DHDDS: variants seen among roughly 807,000 people sequenced by gnomAD.
DHDDS encodes dehydrodolichyl diphosphate synthase complex subunit DHDDS.
DHDDS carries 16 observed loss-of-function variants against 46.2 expected under a neutral mutation model. The observed-to-expected ratio is 0.35, with a 90% CI of 0.23 to 0.53. The LOEUF is 0.53. DHDDS is among the 20% of genes least tolerant of loss of function. DHDDS has a pLI of 0.94. For missense variants in DHDDS, 340 were observed against 423.7 expected, an observed-to-expected ratio of 0.80 and a Z score of 1.73; for synonymous variants, 151 against 163.1, an observed-to-expected ratio of 0.93 and a Z score of 0.56.
chr1:26,468,896 A>T lies in DHDDS; in HGVS notation c.767A>T (p.Lys256Met). The stretch of plus-strand genomic sequence containing the variant: ...CCAATCCCCACTTTTCTCTAGCAGA[A>T]GGCCCGAGACATGTATGCAGAGGAG... ...QFQMNHSVLQ[K>M]ARDMYAEERK... Residue 256 changes from lysine to methionine, a missense_variant and splice_region_variant, in exon 9 of 9, where the codon AAG (lysine) becomes ATG (methionine). Physicochemically the swap from Lys to Met is moderately conservative, Grantham distance 95. Transcript: ENST00000236342. 1 of 1,614,030 alleles carries T rather than the reference A, an allele frequency of 6.2e-7. No individual in the cohort carries two copies. Among genetic ancestry groups the T allele is most frequent in the Middle Eastern group, 1.7e-4 (1 of 6,050 alleles).
chr1:26,449,443 C>A (rs2075299154), intron 6 of DHDDS, among the ~76,000 whole-genome samples: 1 of 152,158 alleles, frequency 6.6e-6, no homozygotes, highest in Admixed American at 6.5e-5. Context: ...CTCTATCGCC[C>A]AGGCTGGCGT....
intron 3 of DHDDS, among the ~76,000 whole-genome samples, chr1:26,441,271 A>G (rs1184623195): frequency 1.4e-5 from 2 of 146,270 alleles, no homozygotes; most frequent in Non-Finnish European, 3.0e-5. Context: ...GCTGGAGTGC[A>G]GTGGTGAGAT....
chr1:26,451,821 G>A (rs1414033515), intron 6 of DHDDS, among the ~76,000 whole-genome samples: 1 of 151,748 alleles, frequency 6.6e-6, no homozygotes, highest in African/African-American at 2.4e-5. Flanking sequence ...AGTAGAGACG[G>A]GTTTCACCAT....
chr1:26,461,407 C>T lies in DHDDS; in HGVS notation c.765+1263C>T, dbSNP rs993104710. On this transcript the variant is annotated intron_variant, in intron 8 of 8. Transcript: ENST00000236342. ...ACTTTTTTTTTTTTTTTTTTTGAGA[C>T]GGAGTTTCGCTCTTGCGGCCCAGGC... Among the ~76,000 whole-genome samples, 81 of 135,614 alleles carry T rather than the reference C, an allele frequency of 6.0e-4. 2 individuals are homozygous for T. Among genetic ancestry groups the T allele is most frequent in the African/African-American group, 2.1e-3 (75 of 36,024 alleles). 89.0% of individuals were successfully genotyped at this position (135,614 alleles called of 152,430 possible). A position where few individuals can be genotyped will look rare whatever the true frequency, so the allele number is the denominator to read the frequency against.
intron 8 of DHDDS, chr1:26,462,751 T>G (rs1319447373): frequency 2.0e-5 from 3 of 152,188 alleles, no homozygotes; most frequent in Admixed American, 6.5e-5. Flanking sequence ...AGGAGTTAAC[T>G]CAAGTTTCAT....
chr1:26,442,433 T>C (rs1363740478), intron 3 of DHDDS, among the ~76,000 whole-genome samples: 1 of 152,246 alleles, frequency 6.6e-6, no homozygotes, highest in Non-Finnish European at 1.5e-5. Flanking sequence ...AAGTGCATGC[T>C]GGAGTCAGGG....
intron 2 of DHDDS, among the ~76,000 whole-genome samples, chr1:26,434,367 C>T (rs959294611): frequency 2.6e-5 from 4 of 152,190 alleles, no homozygotes; most frequent in Non-Finnish European, 5.9e-5. Context: ...ACAAGCCCCA[C>T]ACATGCTCAC....
At chr1:26,464,251 C>T (rs1293978007) in intron 8 of DHDDS, among the ~76,000 whole-genome samples, 3 of 151,998 alleles carry the variant, frequency 2.0e-5, no homozygotes, top group South Asian at 2.1e-4. Flanking sequence ...CCTTGGCCTC[C>T]GAAAGTGCTA....
At chr1:26,433,073 G>C (rs1570325311) in intron 2 of DHDDS, 65 bp downstream of exon 2, 1 of 1,543,634 alleles carries the variant, frequency 6.5e-7, no homozygotes, top group Non-Finnish European at 9.0e-7. Flanking sequence ...ATAAAAACCT[G>C]TTATTAAAGT....
chr1:26,466,702 CCTCT>C (rs1370910720), intron 8 of DHDDS, among the ~76,000 whole-genome samples: 2 of 152,360 alleles, frequency 1.3e-5, no homozygotes, highest in African/African-American at 4.8e-5. Context: ...ATATTTCCTC[CCTCT>C]GTTGCTGAGC....
chr1:26,445,608 G>A (rs1373691755), intron 4 of DHDDS, among the ~76,000 whole-genome samples: 2 of 152,152 alleles, frequency 1.3e-5, no homozygotes, highest in African/African-American at 4.8e-5. Flanking sequence ...AGCTACTTGG[G>A]AGGCTGAGGC....
chr1:26,452,820 T>A (rs2075333994), intron 6 of DHDDS, among the ~76,000 whole-genome samples: 1 of 152,098 alleles, frequency 6.6e-6, no homozygotes. Flanking sequence ...AAAAATTAGA[T>A]GGACATGGTG....
intron 2 of DHDDS, among the ~76,000 whole-genome samples, chr1:26,434,369 C>T (rs535463033): frequency 6.6e-6 from 1 of 152,314 alleles, no homozygotes; most frequent in South Asian, 2.1e-4. Flanking sequence ...AAGCCCCACA[C>T]ATGCTCACAA....
rs2075542944 is a variant in DHDDS, at chr1:26,470,464, C to A, written c.*1333C>A. ...GCCAGACTTCCCATTTTACTTTCTG[C>A]AAGCTGTTTCCCTAGCAGCTCCCTC... On this transcript the variant is annotated 3_prime_UTR_variant, in exon 9 of 9. Coordinates refer to ENST00000236342, the MANE Select transcript of DHDDS (RefSeq NM_205861.3). 1 of 152,060 alleles carries A rather than the reference C, an allele frequency of 6.6e-6. No homozygotes were observed. Among genetic ancestry groups the A allele is most frequent in the Non-Finnish European group, 1.5e-5 (1 of 68,040 alleles). 9.4% of individuals were successfully genotyped at this position (152,060 alleles called of 1,614,324 possible).
intron 5 of DHDDS, 126 bp from the exon 6 acceptor site, chr1:26,447,433 C>T: frequency 1.3e-6 from 1 of 781,928 alleles, no homozygotes; most frequent in Non-Finnish European, 2.2e-6. Flanking sequence ...CAGAGGTATC[C>T]ACAATTAACA....
rs1570356897 is a variant in DHDDS at position 26,457,728 on chromosome 1, A to G, written c.543-63A>G. ...CTATATATGGAAGTTCACCATGAGA[A>G]CACTACAGAAAGAGAATACTACAGG... On this transcript the variant is annotated intron_variant, in intron 6 of 8. Coordinates refer to ENST00000236342, the MANE Select transcript of DHDDS (RefSeq NM_205861.3). 4 of 1,280,814 alleles carry G rather than the reference A, an allele frequency of 3.1e-6. No homozygotes were observed. The South Asian group carries it at 3.6e-5, about 11-fold the overall frequency. 79.3% of individuals were successfully genotyped at this position (1,280,814 alleles called of 1,614,324 possible).
intron 8 of DHDDS, chr1:26,466,246 G>C (rs1273147643): frequency 6.6e-6 from 1 of 152,176 alleles, no homozygotes; most frequent in East Asian, 1.9e-4. Context: ...AATGGTCAGG[G>C]AGAGAAAAGT....
At chr1:26,440,510 A>G (rs2075207764) in intron 3 of DHDDS, among the ~76,000 whole-genome samples, 1 of 152,244 alleles carries the variant, frequency 6.6e-6, no homozygotes, top group Admixed American at 6.5e-5. Context: ...TTATTTGAAG[A>G]TAAATAAGAT....
At chr1:26,437,422 G>C (rs1184714846) in intron 2 of DHDDS, among the ~76,000 whole-genome samples, 1 of 151,864 alleles carries the variant, frequency 6.6e-6, no homozygotes, top group African/African-American at 2.4e-5. Flanking sequence ...GATGAAGGAG[G>C]ATTGCTTGAG....
Sources: allele counts gnomAD v4.1 joint callset (sites outside exome capture counted in the v4.1 genomes callset), GRCh38; gene constraint gnomAD v4.1.1; transcripts MANE v1.5; gene names NCBI Gene and HGNC (gene_info 2026-07-23, HGNC 2026-07-21).